ZSCAN25: variants seen among roughly 807,000 people sequenced by gnomAD.
ZSCAN25 encodes the protein zinc finger and SCAN domain containing 25.
In ZSCAN25, 27 loss-of-function variants were observed where a neutral mutation model predicts 38.7. The ratio of observed to expected loss-of-function variants is 0.70; its 90% confidence interval spans 0.51 to 0.96. The LOEUF (loss-of-function observed/expected upper bound fraction) is 0.96. ZSCAN25 is among the 40% of genes least tolerant of loss of function. The pLI, the probability that ZSCAN25 is intolerant of heterozygous loss-of-function variation, is 0.00. For synonymous variants in ZSCAN25, 273 were observed against 277.7 expected (o/e 0.98, Z 0.17); for missense variants, 637 against 705.9 (o/e 0.90, Z 1.11).
At chr7:99,658,499 C>G in the ZSCAN25 span, among the ~76,000 whole-genome samples, 1 of 152,036 alleles carries the variant, frequency 6.6e-6, no homozygotes, top group Non-Finnish European at 1.5e-5. Context: ...ACCTTTCTCT[C>G]TGGCTGCCCT....
the ZSCAN25 span, chr7:99,708,948 G>T: frequency 7.0e-7 from 1 of 1,432,826 alleles, no homozygotes; most frequent in Non-Finnish European, 9.8e-7. Flanking sequence ...GCAAACGATT[G>T]TACAAGCCCA....
At chr7:99,710,053 G>A in the ZSCAN25 span, among the ~76,000 whole-genome samples, 1 of 152,034 alleles carries the variant, frequency 6.6e-6, no homozygotes, top group African/African-American at 2.4e-5. Context: ...GTTGCTTCAG[G>A]GCTGGACTGT....
At chr7:99,692,129 T>G in the ZSCAN25 span, among the ~76,000 whole-genome samples, 9 of 152,204 alleles carry the variant, frequency 5.9e-5, no homozygotes, top group Non-Finnish European at 1.0e-4. Context: ...GTCTGTAAAG[T>G]ATTTTATTTC....
At position 99,629,059 on chromosome 7, in the gene ZSCAN25, C is replaced by A. The variant is rs971076433; in HGVS notation, c.806-132C>A. The stretch of plus-strand genomic sequence containing the variant: ...AATAAGGAAAAAGAAGTAAGGAAAG[C>A]CTGAGTTGAGGTTGTTGGTCAAAGG... On this transcript the variant is annotated intron_variant, in intron 7 of 7. Transcript: ENST00000394152. The surrounding 1 kb of genome is among the most constrained non-coding windows in gnomAD (Gnocchi z 5.6). The A allele has an allele frequency of 1.6e-6, 2 of 1,269,838 alleles. No individual in the cohort carries two copies. The highest frequency in any genetic ancestry group is 3.0e-5 in the African/African-American group (2 of 66,356). 78.7% of individuals were successfully genotyped at this position (1,269,838 alleles called of 1,614,324 possible).
At chr7:99,617,980 A>G (rs2151244155) in intron 1 of ZSCAN25, among the ~76,000 whole-genome samples, 1 of 152,368 alleles carries the variant, frequency 6.6e-6, no homozygotes, top group South Asian at 2.1e-4. Context: ...TTGCAGAGTC[A>G]ATGAATAGAC....
chr7:99,622,397 G>A (rs1188171667), intron 5 of ZSCAN25, 152 bp from the exon 6 acceptor site: 1 of 756,220 alleles, frequency 1.3e-6, no homozygotes, highest in Non-Finnish European at 2.3e-6. Flanking sequence ...CCTGTGCATG[G>A]GAAAGTGTGG....
chr7:99,684,042 A>G, the ZSCAN25 span, among the ~76,000 whole-genome samples: 3 of 152,214 alleles, frequency 2.0e-5, no homozygotes, highest in Non-Finnish European at 4.4e-5. Context: ...CAAGAGGTGT[A>G]AGAAAACATG....
chr7:99,638,906 C>T, the ZSCAN25 span: 1 of 542,768 alleles, frequency 1.8e-6, no homozygotes, highest in East Asian at 3.1e-5. Flanking sequence ...GGCAGAGGCC[C>T]AGGCCTGTCG....
the ZSCAN25 span, among the ~76,000 whole-genome samples, chr7:99,723,178 G>A: frequency 1.3e-5 from 2 of 152,132 alleles, no homozygotes; most frequent in Non-Finnish European, 2.9e-5. Flanking sequence ...AGCCTGCATG[G>A]GTACATCCAG....
At chr7:99,624,988 T>G (rs1807346398) in intron 7 of ZSCAN25, among the ~76,000 whole-genome samples, 1 of 152,198 alleles carries the variant, frequency 6.6e-6, no homozygotes, top group Non-Finnish European at 1.5e-5. Context: ...CTTTGTGAGT[T>G]GTACACTGAC....
the ZSCAN25 span, among the ~76,000 whole-genome samples, chr7:99,646,052 C>T: frequency 6.6e-6 from 1 of 151,970 alleles, no homozygotes; most frequent in African/African-American, 2.4e-5. Flanking sequence ...AATGTGTTTC[C>T]TCCAGTTTTG....
the ZSCAN25 span, chr7:99,671,973 A>T: frequency 1.5e-6 from 1 of 647,072 alleles, no homozygotes; most frequent in South Asian, 1.7e-5. Flanking sequence ...AGCTCTGTAA[A>T]CTATATCAAA....
chr7:99,619,704 G>T lies in ZSCAN25; in HGVS notation c.98G>T (p.Arg33Met). Residue 33 changes from arginine to methionine, a missense_variant, in exon 4 of 8, where the codon AGG becomes ATG. Physicochemically the swap from Arg to Met is moderately conservative, Grantham distance 91 (BLOSUM62 -1). Transcript: ENST00000394152. ...LEKELPWGRG[R>M]EDPSPETFRL... ...AAAGAGTTGCCATGGGGCAGAGGAAGGGAGGACCCTAGTCCAGAGACTTTT... is the reference window on the plus strand; with the variant it reads ...AAAGAGTTGCCATGGGGCAGAGGAATGGAGGACCCTAGTCCAGAGACTTTT... 1 of 1,614,250 alleles carries T rather than the reference G, an allele frequency of 6.2e-7. No individual in the cohort carries two copies. The highest frequency in any genetic ancestry group is 8.5e-7 in the Non-Finnish European group (1 of 1,180,044).
At chr7:99,694,830 A>G in the ZSCAN25 span, among the ~76,000 whole-genome samples, 1 of 152,220 alleles carries the variant, frequency 6.6e-6, no homozygotes, top group African/African-American at 2.4e-5. Context: ...GCCAGGCCCT[A>G]GACAGAGCAT....
rs935817497 is a variant in ZSCAN25 at position 99,630,207 on chromosome 7, G to T, written c.*187G>T. ...ATAGCTGCTTCCATCTCTTACCCAA[G>T]TGGTGCTAAACAATTTTTCTTCCAA... On this transcript the variant is annotated 3_prime_UTR_variant, in exon 8 of 8. Coordinates refer to ENST00000394152, the MANE Select transcript of ZSCAN25 (RefSeq NM_145115.3). 3 of 1,376,740 alleles carry T rather than the reference G, an allele frequency of 2.2e-6. No individual in the cohort carries two copies. Among genetic ancestry groups the T allele is most frequent in the Middle Eastern group, 2.7e-4 (1 of 3,722 alleles). 85.3% of individuals were successfully genotyped at this position (1,376,740 alleles called of 1,614,324 possible). A position where few individuals can be genotyped will look rare whatever the true frequency, so the allele number is the denominator to read the frequency against.
At chr7:99,716,407 A>G in the ZSCAN25 span, among the ~76,000 whole-genome samples, 1 of 152,146 alleles carries the variant, frequency 6.6e-6, no homozygotes, top group Non-Finnish European at 1.5e-5. Context: ...CTTATTCTCT[A>G]TACTCCCTGC....
rs1398922945 is a variant in ZSCAN25 at position 99,630,251 on chromosome 7, TC to T, written c.*233del. On this transcript the variant is annotated 3_prime_UTR_variant, in exon 8 of 8. Coordinates refer to ENST00000394152, the MANE Select transcript of ZSCAN25 (RefSeq NM_145115.3). ...CTTCCAATGTTTGAGGGAAGCAGTC[TC>T]CTGCGGTTCAGTTCAGGCTGAGATT... is the stretch of plus-strand genomic sequence containing the variant. The T allele has an allele frequency of 7.5e-7, 1 of 1,331,894 alleles. No homozygotes were observed. Among genetic ancestry groups the T allele is most frequent in the African/African-American group, 1.5e-5 (1 of 67,608 alleles). 82.5% of individuals were successfully genotyped at this position (1,331,894 alleles called of 1,614,324 possible).
At chr7:99,729,434 C>T in the ZSCAN25 span, among the ~76,000 whole-genome samples, 1 of 152,030 alleles carries the variant, frequency 6.6e-6, no homozygotes, top group Non-Finnish European at 1.5e-5. Flanking sequence ...CCATACCACC[C>T]CCCAAAAATT....
chr7:99,730,796 A>G, the ZSCAN25 span: 1 of 443,236 alleles, frequency 2.3e-6, no homozygotes, highest in South Asian at 2.5e-5. Context: ...TGGTGCTCAC[A>G]AAGTCTGCAC....
Sources: allele counts gnomAD v4.1 joint callset (sites outside exome capture counted in the v4.1 genomes callset), GRCh38; gene constraint gnomAD v4.1.1; non-coding constraint Gnocchi (gnomAD v3.1); transcripts MANE v1.5; gene names NCBI Gene and HGNC (gene_info 2026-07-23, HGNC 2026-07-21).